Variants in UPRT observed in about 807,000 individuals in gnomAD.
UPRT encodes the protein uracil phosphoribosyltransferase homolog.
Under a neutral mutation model 22.6 loss-of-function variants are expected in UPRT, and 5 were observed. That is an observed-to-expected ratio of 0.22 (90% CI 0.12 to 0.47). UPRT has a LOEUF of 0.47. UPRT is among the 20% of genes least tolerant of loss of function. UPRT has a pLI of 0.99. For missense variants in UPRT, 181 were observed against 239.9 expected (o/e 0.75, Z 1.62); for synonymous variants, 77 against 87.7 (o/e 0.88, Z 0.68).
intron 4 of UPRT, among the ~76,000 whole-genome samples, chrX:75,220,780 T>C (rs2082407561): frequency 8.9e-6 from 1 of 111,867 alleles, no homozygotes; most frequent in South Asian, 3.7e-4. Flanking sequence ...ACTGTCTACG[T>C]CTTAAAAAGT....
At chrX:75,272,358 GTGTA>G (rs1473017467), upstream of UPRT, among the ~76,000 whole-genome samples, 677 of 85,346 alleles carry the variant, frequency 7.9e-3, 19 homozygotes, top group African/African-American at 0.032. Flanking sequence ...ATATATATAT[GTGTA>G]TATATATATA....
At chrX:75,286,897 A>C (rs2082683995) in intron 1 of UPRT, among the ~76,000 whole-genome samples, 1 of 111,520 alleles carries the variant, frequency 9.0e-6, no homozygotes, top group African/African-American at 3.3e-5. Flanking sequence ...GGTAGTGATA[A>C]TAAAATCTAC....
At chrX:75,252,815 A>G (rs368950767) in intron 4 of UPRT, among the ~76,000 whole-genome samples, 10 of 112,388 alleles carry the variant, frequency 8.9e-5, no homozygotes, top group African/African-American at 2.6e-4. Flanking sequence ...ATGATAGACT[A>G]GATTAAGAAA....
At chrX:75,231,657 C>T (rs1168023222) in intron 4 of UPRT, among the ~76,000 whole-genome samples, 1 of 111,540 alleles carries the variant, frequency 9.0e-6, no homozygotes, top group African/African-American at 3.3e-5. Flanking sequence ...ATCAGGTTAT[C>T]TAAAGTCAAG....
chrX:75,175,135 C>T (rs1207022776), intron 4 of UPRT, among the ~76,000 whole-genome samples: 1 of 111,178 alleles, frequency 9.0e-6, no homozygotes, highest in African/African-American at 3.3e-5. Context: ...ATTCCTACCT[C>T]TTTGTGTTTT....
At chrX:75,263,921 T>G (rs2082577630) in intron 4 of UPRT, among the ~76,000 whole-genome samples, 1 of 109,909 alleles carries the variant, frequency 9.1e-6, no homozygotes, top group Non-Finnish European at 1.9e-5. Context: ...TGTTGTGTCT[T>G]TGTTCTCGTT....
chrX:75,303,530 TTATCTTA>T lies in UPRT; in HGVS notation c.*21_*27del. On this transcript the variant is annotated 3_prime_UTR_variant, in exon 7 of 7. Transcript: ENST00000373383. The stretch of plus-strand genomic sequence containing the variant: ...AGACTAAGTTATTTAAGTAAAATAA[TTATCTTA>T]TGTAATATTACAATCATGTTTTGAT... 9.5e-7 allele frequency: 1 copy of T among 1,056,835 alleles called. No homozygotes were observed. The highest frequency in any genetic ancestry group is 1.3e-6 in the Non-Finnish European group (1 of 771,833). The allele number at this position is 1,056,835 out of a possible 1,213,427, so 87.1% of individuals were successfully genotyped here. A position where few individuals can be genotyped will look rare whatever the true frequency, so the allele number is the denominator to read the frequency against.
At chrX:75,161,079 A>G (rs1466176061) in intron 2 of UPRT, among the ~76,000 whole-genome samples, 1 of 112,846 alleles carries the variant, frequency 8.9e-6, no homozygotes, top group Non-Finnish European at 1.9e-5. Flanking sequence ...TAGTTGTTTT[A>G]AAGTTATGTT....
intron 4 of UPRT, among the ~76,000 whole-genome samples, chrX:75,208,512 A>G (rs1352490823): frequency 8.9e-6 from 1 of 111,831 alleles, no homozygotes; most frequent in African/African-American, 3.2e-5. Context: ...TGAAAAAGGC[A>G]TCATTTAAAT....
intron 4 of UPRT, among the ~76,000 whole-genome samples, chrX:75,226,519 C>G (rs1415697754): frequency 1.8e-5 from 2 of 111,881 alleles, no homozygotes; most frequent in East Asian, 5.6e-4. Flanking sequence ...CCACTCAGCT[C>G]CATCCTAGTC....
intron 4 of UPRT, among the ~76,000 whole-genome samples, chrX:75,186,472 G>A (rs1246838029): frequency 8.9e-6 from 1 of 111,740 alleles, no homozygotes; most frequent in African/African-American, 3.3e-5. Context: ...TAGGTGTGGT[G>A]TGGTGCTGAA....
At chrX:75,288,721 A>C (rs927328863) in intron 1 of UPRT, among the ~76,000 whole-genome samples, 2 of 111,841 alleles carry the variant, frequency 1.8e-5, no homozygotes, top group Non-Finnish European at 1.9e-5. Flanking sequence ...ACAAACCCAC[A>C]GCCAACACTG....
chrX:75,250,008 G>C (rs946536859), intron 4 of UPRT, among the ~76,000 whole-genome samples: 48 of 111,654 alleles, frequency 4.3e-4, no homozygotes, highest in Admixed American at 7.7e-4. Flanking sequence ...TTCTTTGAAA[G>C]CAAAGAGAAC....
At chrX:75,171,325 C>T (rs145413559) in intron 4 of UPRT, among the ~76,000 whole-genome samples, 19 of 111,417 alleles carry the variant, frequency 1.7e-4, no homozygotes, top group Non-Finnish European at 2.6e-4. Flanking sequence ...GCCTTGTCTT[C>T]GAGCTCTGAG....
At position 75,299,771 on chromosome X, in the gene UPRT, G is replaced by A; in HGVS notation, c.599G>A (p.Arg200Gln). ...GAACAAGGTTTACGAGACTGCTGTC[G>A]ATCCATACGAATTGGAAAGATCCTG... ...AMEQGLRDCC[R>Q]SIRIGKILIQ... is the part of the protein sequence containing the mutation. The change falls in exon 5 of 7, where the codon CGA (arginine) becomes CAA (glutamine). Residue 200 changes from arginine to glutamine, a missense_variant. By Grantham distance (43) the Arg-to-Gln change is conservative (BLOSUM62 1). Around this residue, in one of 2 missense-constraint regions of UPRT, gnomAD observed 70 missense variants for 137.0 expected, o/e 0.51. Coordinates refer to ENST00000373383, the MANE Select transcript of UPRT (RefSeq NM_145052.4). The A allele has an allele frequency of 8.3e-7, 1 of 1,209,699 alleles. No individual in the cohort carries two copies.
intron 4 of UPRT, among the ~76,000 whole-genome samples, chrX:75,260,140 C>A (rs757408851): frequency 5.9e-4 from 66 of 112,051 alleles, no homozygotes; most frequent in Admixed American, 1.2e-3. Context: ...GGGTACCAGC[C>A]ACTGCAAAAA....
intron 4 of UPRT, among the ~76,000 whole-genome samples, chrX:75,201,037 T>C (rs2082345878): frequency 8.9e-6 from 1 of 112,545 alleles, no homozygotes; most frequent in Non-Finnish European, 1.9e-5. Flanking sequence ...TGATCTGGCC[T>C]TGCTCGAGTC....
intron 3 of UPRT, among the ~76,000 whole-genome samples, chrX:75,297,014 T>G (rs926233919): frequency 4.5e-5 from 5 of 111,205 alleles, no homozygotes; most frequent in Non-Finnish European, 9.4e-5. Flanking sequence ...AGACCAAGAG[T>G]TGAGCATGTC....
At chrX:75,286,187 A>C (rs370233929) in intron 1 of UPRT, among the ~76,000 whole-genome samples, 1 of 110,850 alleles carries the variant, frequency 9.0e-6, no homozygotes, top group African/African-American at 3.3e-5. Context: ...TCCTCAACTT[A>C]GATTGCCTGG....
Sources: allele counts gnomAD v4.1 joint callset (sites outside exome capture counted in the v4.1 genomes callset), GRCh38; gene constraint gnomAD v4.1.1; regional missense constraint gnomAD v4.1.1; transcripts MANE v1.5; gene names NCBI Gene and HGNC (gene_info 2026-07-23, HGNC 2026-07-21).